CNTN3: variants seen among roughly 807,000 people sequenced by gnomAD.
The protein encoded by CNTN3 is contactin 3, also known as contactin-3.
In CNTN3, 60 loss-of-function variants were observed where a neutral mutation model predicts 119.1. That is an observed-to-expected ratio of 0.50 (90% CI 0.41 to 0.62). The LOEUF (loss-of-function observed/expected upper bound fraction) is 0.62. CNTN3 is among the 20% of genes least tolerant of loss of function. CNTN3 has a pLI of 0.00. For missense variants in CNTN3, 1,101 were observed against 1,242.4 expected, an observed-to-expected ratio of 0.89 and a Z score of 1.71; for synonymous variants, 450 against 438.7, an observed-to-expected ratio of 1.03 and a Z score of -0.32.
In CNTN3 at chr3:74,267,247, T is replaced by TGCAA. The variant is rs750999333; in HGVS notation, c.2817+15_2817+18dup. 50 of 1,546,002 alleles carry TGCAA rather than the reference T, an allele frequency of 3.2e-5. No homozygotes were observed. Among genetic ancestry groups the TGCAA allele is most frequent in the Non-Finnish European group, 4.3e-5 (48 of 1,119,470 alleles). ...TGCCAAAATTACGAAAATGAAGCAT[T>TGCAA]GCAAATGAGAAAACTTACTTTATAT... is the stretch of plus-strand genomic sequence containing the variant. On this transcript the variant is annotated intron_variant, in intron 21 of 22. Transcript: ENST00000263665.
At chr3:74,486,741 C>T (rs1050117782) in intron 3 of CNTN3, 110 bp from the exon 4 acceptor site, 7 of 872,098 alleles carry the variant, frequency 8.0e-6, no homozygotes, top group South Asian at 4.2e-5. Flanking sequence ...AAAAGTGATA[C>T]ATATATTATT....
At chr3:74,446,683 G>GTTTTTTTTTT (rs10669743) in intron 4 of CNTN3, among the ~76,000 whole-genome samples, 1 of 136,968 alleles carries the variant, frequency 7.3e-6, no homozygotes, top group Non-Finnish European at 1.6e-5. Flanking sequence ...AATTTTACTT[G>GTTTTTTTTTT]TTTTTTTTTT....
chr3:74,552,641 C>T (rs941337972), intron 1 of CNTN3, among the ~76,000 whole-genome samples: 7 of 152,056 alleles, frequency 4.6e-5, no homozygotes, highest in Admixed American at 6.5e-5. Context: ...GTGTCCCTAC[C>T]GAAATCTCAT....
At chr3:74,452,565 G>C (rs1575739715) in intron 4 of CNTN3, among the ~76,000 whole-genome samples, 1 of 130,546 alleles carries the variant, frequency 7.7e-6, no homozygotes, top group Admixed American at 7.9e-5. Flanking sequence ...GAATAGGAGT[G>C]GTGAGAGAGG....
rs770762916 is a variant in CNTN3, at chr3:74,264,468, G to A, written c.3020C>T (p.Ser1007Leu). The A allele has an allele frequency of 1.1e-5, 17 of 1,611,862 alleles. No homozygotes were observed. The South Asian group carries it at 1.5e-4, about 15-fold the overall frequency. Residue 1007 changes from serine to leucine, a missense_variant, in exon 23 of 23, where the codon TCG becomes TTG. Ser to Leu is a moderately radical substitution (Grantham distance 145, BLOSUM62 -2). Coordinates refer to ENST00000263665, the MANE Select transcript of CNTN3 (RefSeq NM_020872.3). The part of the protein sequence containing the change: ...MDARGSTSAI[S>L]NVHPMSSYMP... ...ATAACTTGACATAGGGTGGACATTCGAGATGGCTGAAGTGGATCCTCTTGC... is the reference window on the plus strand; with the variant it reads ...ATAACTTGACATAGGGTGGACATTCAAGATGGCTGAAGTGGATCCTCTTGC...
At chr3:74,310,443 G>C (rs951263545) in intron 13 of CNTN3, among the ~76,000 whole-genome samples, 4 of 152,112 alleles carry the variant, frequency 2.6e-5, no homozygotes, top group African/African-American at 7.2e-5. Context: ...TTCACTAGGT[G>C]GGGGGCTTGA....
intron 1 of CNTN3, among the ~76,000 whole-genome samples, chr3:74,594,983 A>G (rs1388707840): frequency 1.0e-3 from 159 of 152,068 alleles, no homozygotes; most frequent in African/African-American, 3.6e-3. Context: ...TTGAATGATC[A>G]CCATTCTAAC....
intron 1 of CNTN3, among the ~76,000 whole-genome samples, chr3:74,608,842 A>G (rs1210726134): frequency 6.6e-6 from 1 of 152,200 alleles, no homozygotes; most frequent in Non-Finnish European, 1.5e-5. Flanking sequence ...TACAATATTA[A>G]TTAGATTATA....
At chr3:74,336,435 T>TGTACTGAACA in intron 12 of CNTN3, 96 bp downstream of exon 12, 1 of 1,272,622 alleles carries the variant, frequency 7.9e-7, no homozygotes, top group Non-Finnish European at 1.1e-6. Context: ...ACCTTCATAG[T>TGTACTGAACA]GTACTGAACA....
At chr3:74,276,058 T>C (rs1028232789) in intron 20 of CNTN3, among the ~76,000 whole-genome samples, 1 of 152,134 alleles carries the variant, frequency 6.6e-6, no homozygotes, top group East Asian at 1.9e-4. Flanking sequence ...AGGGACATTA[T>C]ATAATGGTAA....
At chr3:74,548,026 A>C (rs898224687) in intron 1 of CNTN3, among the ~76,000 whole-genome samples, 2 of 152,192 alleles carry the variant, frequency 1.3e-5, no homozygotes, top group Non-Finnish European at 2.9e-5. Context: ...CACTTGCATC[A>C]GTGCTACTTA....
At chr3:74,318,313 G>A (rs532494288) in intron 13 of CNTN3, among the ~76,000 whole-genome samples, 23 of 152,014 alleles carry the variant, frequency 1.5e-4, no homozygotes, top group South Asian at 1.2e-3. Context: ...TAGTTTGATC[G>A]TCTGAAGTCT....
At chr3:74,517,801 TA>T (rs1399583043) in intron 2 of CNTN3, among the ~76,000 whole-genome samples, 4 of 151,850 alleles carry the variant, frequency 2.6e-5, no homozygotes, top group Non-Finnish European at 5.9e-5. Flanking sequence ...ACTTCATCCT[TA>T]AACCTTCTCC....
At chr3:74,528,018 A>G (rs940487491) in intron 1 of CNTN3, among the ~76,000 whole-genome samples, 7 of 152,018 alleles carry the variant, frequency 4.6e-5, no homozygotes, top group South Asian at 2.1e-4. Flanking sequence ...TTACACATAA[A>G]AGGAACTTAG....
intron 2 of CNTN3, among the ~76,000 whole-genome samples, chr3:74,504,460 G>A (rs1387496081): frequency 6.6e-6 from 1 of 152,062 alleles, no homozygotes; most frequent in African/African-American, 2.4e-5. Context: ...TTTAAAAGAT[G>A]GAAACTTTTT....
intron 5 of CNTN3, among the ~76,000 whole-genome samples, chr3:74,412,251 T>C (rs1701452405): frequency 6.6e-6 from 1 of 152,178 alleles, no homozygotes; most frequent in Non-Finnish European, 1.5e-5. Context: ...CCCTACTCTG[T>C]TGTGCTTAGC....
At chr3:74,300,130 A>G (rs1702424362) in intron 16 of CNTN3, among the ~76,000 whole-genome samples, 192 bp from the exon 17 acceptor site, 1 of 152,218 alleles carries the variant, frequency 6.6e-6, no homozygotes, top group South Asian at 2.1e-4. Context: ...ATCAAACAAC[A>G]TATTTACATG....
chr3:74,469,383 C>T (rs912652472), intron 4 of CNTN3, among the ~76,000 whole-genome samples: 2 of 152,026 alleles, frequency 1.3e-5, no homozygotes, highest in East Asian at 3.8e-4. Context: ...CAACTGACTC[C>T]AGAGATTTAA....
At chr3:74,297,469 G>T (rs949302601) in intron 18 of CNTN3, among the ~76,000 whole-genome samples, 1 of 152,174 alleles carries the variant, frequency 6.6e-6, no homozygotes. Flanking sequence ...TATTTAGAGT[G>T]GGCTGGAGTG....
Sources: allele counts gnomAD v4.1 joint callset (sites outside exome capture counted in the v4.1 genomes callset), GRCh38; gene constraint gnomAD v4.1.1; transcripts MANE v1.5; gene names NCBI Gene and HGNC (gene_info 2026-07-23, HGNC 2026-07-21).